Variants in CRYZL1 observed in about 807,000 individuals in gnomAD.
The protein encoded by CRYZL1 is crystallin zeta like 1, also known as ferry endosomal RAB5 effector complex subunit 4.
A neutral mutation model predicts 50.6 loss-of-function variants in CRYZL1; 34 were observed. The ratio of observed to expected loss-of-function variants is 0.67; its 90% CI spans 0.51 to 0.89. CRYZL1 has a LOEUF of 0.89. CRYZL1 is among the 40% of genes least tolerant of loss of function. The probability of loss-of-function intolerance (pLI) is 0.00; values close to 1 mark genes in which losing one functional copy is unlikely to be tolerated. For synonymous variants in CRYZL1, 125 were observed against 134.3 expected (o/e 0.93, Z 0.48); for missense variants, 354 against 402.3 (o/e 0.88, Z 1.03).
intron 6 of CRYZL1, among the ~76,000 whole-genome samples, chr21:33,612,581 G>A (rs1006861861): frequency 1.3e-5 from 2 of 152,122 alleles, no homozygotes; most frequent in East Asian, 1.9e-4. Context: ...GAGCCGCTGC[G>A]CCTGGCTGAT....
At chr21:33,626,643 G>A (rs949372534) in intron 2 of CRYZL1, among the ~76,000 whole-genome samples, 2 of 151,188 alleles carry the variant, frequency 1.3e-5, no homozygotes, top group Non-Finnish European at 2.9e-5. Flanking sequence ...GTTGCAGCGA[G>A]CTGATATTGT....
chr21:33,619,543 C>T (rs1423938250), intron 4 of CRYZL1, among the ~76,000 whole-genome samples: 1 of 152,040 alleles, frequency 6.6e-6, no homozygotes, highest in African/African-American at 2.4e-5. Flanking sequence ...CTGCAATATT[C>T]GAAGGATAAT....
intron 4 of CRYZL1, among the ~76,000 whole-genome samples, chr21:33,617,848 TG>T (rs2086952162): frequency 6.6e-6 from 1 of 152,188 alleles, no homozygotes; most frequent in Non-Finnish European, 1.5e-5. Context: ...ATTTCATTTC[TG>T]CCTTTTAGTT....
At chr21:33,593,063 A>AAAAG in intron 11 of CRYZL1, among the ~76,000 whole-genome samples, 1 of 152,182 alleles carries the variant, frequency 6.6e-6, no homozygotes, top group South Asian at 2.1e-4. Context: ...AAAAAAAAAA[A>AAAAG]AAAGAAAGAA....
At chr21:33,591,075 G>T in intron 12 of CRYZL1, 87 bp downstream of exon 12, 1 of 909,380 alleles carries the variant, frequency 1.1e-6, no homozygotes, top group Non-Finnish European at 1.8e-6. Context: ...TACATGGCGA[G>T]AGCTAAAACA....
chr21:33,606,849 A>C (rs1467614724), intron 6 of CRYZL1, among the ~76,000 whole-genome samples: 2 of 151,940 alleles, frequency 1.3e-5, no homozygotes, highest in Non-Finnish European at 2.9e-5. Flanking sequence ...ATCTCTACTA[A>C]AAATACAAAA....
intron 6 of CRYZL1, among the ~76,000 whole-genome samples, chr21:33,613,071 C>A (rs1318487108): frequency 1.3e-5 from 2 of 152,142 alleles, no homozygotes; most frequent in African/African-American, 4.8e-5. Context: ...GGTGACCTGC[C>A]CACCTTGGCC....
At chr21:33,612,079 C>A (rs2086878148) in intron 6 of CRYZL1, among the ~76,000 whole-genome samples, 1 of 152,160 alleles carries the variant, frequency 6.6e-6, no homozygotes, top group African/African-American at 2.4e-5. Context: ...TTCACTATTA[C>A]AAATAAGCTG....
Position 33,591,172 on chromosome 21 carries a change from C to T in CRYZL1, c.940G>A (p.Gly314Ser). Residue 314 changes from glycine to serine, a missense_variant, in exon 12 of 13, where the codon GGT (glycine) becomes AGT (serine). By Grantham distance (56) the Gly-to-Ser change is moderately conservative. Transcript: ENST00000381554. ...LKDVMEKLST[G>S]VFRPQLDEPI... ...GTTACTTTAGCGTACCTGAAAACAC[C>T]AGTTGATAACTTCTCCATCACATCC... 6.2e-7 allele frequency: 1 copy of T among 1,609,052 alleles called. No individual in the cohort carries two copies.
chr21:33,602,668 G>A (rs970015396), intron 7 of CRYZL1, among the ~76,000 whole-genome samples: 1 of 152,144 alleles, frequency 6.6e-6, no homozygotes, highest in Non-Finnish European at 1.5e-5. Flanking sequence ...TTGTCAATGC[G>A]ATGGTCTAAG....
chr21:33,595,518 T>C, intron 11 of CRYZL1: 1 of 1,284,106 alleles, frequency 7.8e-7, no homozygotes, highest in Non-Finnish European at 1.1e-6. Flanking sequence ...TCTGTGCTTC[T>C]GTTTCTTCAC....
chr21:33,630,130 A>C (rs947502588), intron 2 of CRYZL1, among the ~76,000 whole-genome samples: 2 of 152,202 alleles, frequency 1.3e-5, no homozygotes, highest in African/African-American at 2.4e-5. Context: ...CCACAGGAAG[A>C]TATCCCCTCA....
intron 1 of CRYZL1, among the ~76,000 whole-genome samples, chr21:33,631,934 G>C (rs2087141918): frequency 2.0e-5 from 3 of 152,104 alleles, no homozygotes; most frequent in African/African-American, 7.2e-5. Context: ...AAGTCTTAAA[G>C]ATCATTAAAA....
intron 3 of CRYZL1, among the ~76,000 whole-genome samples, chr21:33,623,060 G>A (rs1378899468): frequency 6.6e-6 from 1 of 151,270 alleles, no homozygotes; most frequent in Non-Finnish European, 1.5e-5. Flanking sequence ...CCGCCTCCCA[G>A]GTTCAAGCGA....
At position 33,616,075 on chromosome 21, in the gene CRYZL1, T is replaced by TC. The variant is rs966818109; in HGVS notation, c.262+630dup. On this transcript the variant is annotated intron_variant, in intron 5 of 12. Transcript: ENST00000381554. Reference sequence around the variant, plus strand: ...TAGGTATATCTCCCAATGCTATCCCTCCCCCCCCCAACCCCACCACAGTCC... The same window carrying TC: ...TAGGTATATCTCCCAATGCTATCCCTCCCCCCCCCCAACCCCACCACAGTCC... Among the ~76,000 whole-genome samples the TC allele has an allele frequency of 4.4e-3, 646 of 146,022 alleles. 1 individual carries two copies. Among genetic ancestry groups the TC allele is most frequent in the African/African-American group, 9.3e-3 (369 of 39,872 alleles).
chr21:33,590,348 A>AT (rs1233851698), intron 12 of CRYZL1, among the ~76,000 whole-genome samples: 1 of 151,602 alleles, frequency 6.6e-6, no homozygotes, highest in East Asian at 2.0e-4. Flanking sequence ...ATTCAAACAA[A>AT]TTCGTCCATT....
chr21:33,640,259 G>A (rs1030375847), intron 1 of CRYZL1: 23 of 1,533,170 alleles, frequency 1.5e-5, no homozygotes, highest in East Asian at 2.5e-5. Flanking sequence ...CTTGTATGGC[G>A]AACTACCTCA....
intron 10 of CRYZL1, 79 bp from the exon 11 acceptor site, chr21:33,595,915 C>T: frequency 1.1e-6 from 1 of 903,626 alleles, no homozygotes; most frequent in South Asian, 1.4e-5. Context: ...GTCAGAAAAA[C>T]TTCTACACAA....
intron 5 of CRYZL1, among the ~76,000 whole-genome samples, chr21:33,615,152 CT>C (rs2086915103): frequency 8.3e-6 from 1 of 120,798 alleles, no homozygotes; most frequent in Non-Finnish European, 1.6e-5. Context: ...TTTTCTTTCT[CT>C]CTTTTTTTTT....
Sources: allele counts gnomAD v4.1 joint callset (sites outside exome capture counted in the v4.1 genomes callset), GRCh38; gene constraint gnomAD v4.1.1; transcripts MANE v1.5; gene names NCBI Gene and HGNC (gene_info 2026-07-23, HGNC 2026-07-21).